Variants in ZCWPW2 observed in about 807,000 individuals in gnomAD.
ZCWPW2 encodes zinc finger CW-type PWWP domain protein 2.
ZCWPW2 carries 45 observed loss-of-function variants against 46.6 expected under a neutral mutation model. That is an observed-to-expected ratio of 0.96 (90% CI 0.76 to 1.24). The LOEUF is 1.24. Ranked by LOEUF, ZCWPW2 falls within the 50% of genes most tolerant of loss-of-function variation. ZCWPW2 has a pLI of 0.00. For missense variants in ZCWPW2, 429 were observed against 403.9 expected, an observed-to-expected ratio of 1.06 and a Z score of -0.53; for synonymous variants, 152 against 137.1, an observed-to-expected ratio of 1.11 and a Z score of -0.76.
At chr3:28,499,052 G>A (rs2125822860) in intron 6 of ZCWPW2, among the ~76,000 whole-genome samples, 1 of 152,214 alleles carries the variant, frequency 6.6e-6, no homozygotes, top group African/African-American at 2.4e-5. Flanking sequence ...TATCATTGAT[G>A]GGCATTTGGA....
chr3:28,496,033 T>G (rs1699981853), intron 6 of ZCWPW2, among the ~76,000 whole-genome samples: 1 of 152,078 alleles, frequency 6.6e-6, no homozygotes, highest in African/African-American at 2.4e-5. Flanking sequence ...CACAGCATGT[T>G]AGGCTAAAAG....
chr3:28,489,481 A>G (rs1206484370), intron 5 of ZCWPW2, among the ~76,000 whole-genome samples: 1 of 151,982 alleles, frequency 6.6e-6, no homozygotes, highest in African/African-American at 2.4e-5. Flanking sequence ...CTGATATTTT[A>G]TTATTACTCA....
chr3:28,509,037 G>T (rs1219844274), intron 6 of ZCWPW2, among the ~76,000 whole-genome samples: 1 of 151,874 alleles, frequency 6.6e-6, no homozygotes, highest in East Asian at 1.9e-4. Flanking sequence ...TTCCCACCTT[G>T]CCCTTTTCCG....
chr3:28,411,590 C>G (rs1394564334), intron 2 of ZCWPW2, among the ~76,000 whole-genome samples: 2 of 152,132 alleles, frequency 1.3e-5, no homozygotes, highest in East Asian at 1.9e-4. Context: ...ACACACACTT[C>G]ATGTGAAGTG....
At chr3:28,469,708 GTGTGTATATATATATGATATATA>G (rs1233900061) in intron 4 of ZCWPW2, among the ~76,000 whole-genome samples, 1 of 150,952 alleles carries the variant, frequency 6.6e-6, no homozygotes, top group African/African-American at 2.4e-5. Flanking sequence ...GCATGTATAT[GTGTGTATATATATATGATATATA>G]TATGTATATA....
At chr3:28,501,489 G>A (rs1349873340) in intron 6 of ZCWPW2, among the ~76,000 whole-genome samples, 1 of 152,086 alleles carries the variant, frequency 6.6e-6, no homozygotes, top group Non-Finnish European at 1.5e-5. Context: ...AGTCCACAAC[G>A]ACGACCTCCT....
At chr3:28,352,263 G>A (rs111857723) in intron 1 of ZCWPW2, among the ~76,000 whole-genome samples, 1,594 of 152,118 alleles carry the variant, frequency 0.01, 24 homozygotes, top group African/African-American at 0.037. Context: ...TCTGAACTGG[G>A]CAACATACAT....
intron 4 of ZCWPW2, among the ~76,000 whole-genome samples, chr3:28,444,979 C>T (rs1460461165): frequency 6.6e-6 from 1 of 151,930 alleles, no homozygotes; most frequent in Non-Finnish European, 1.5e-5. Flanking sequence ...CTGATATGCT[C>T]TATAGAAATA....
At chr3:28,429,393 G>C (rs1226606786) in intron 3 of ZCWPW2, among the ~76,000 whole-genome samples, 7 of 152,296 alleles carry the variant, frequency 4.6e-5, no homozygotes, top group Admixed American at 3.9e-4. Flanking sequence ...ATCAAGAAGT[G>C]ACTTGGGTGC....
At chr3:28,520,097 C>G (rs1054369567) in intron 8 of ZCWPW2, among the ~76,000 whole-genome samples, 7 of 151,372 alleles carry the variant, frequency 4.6e-5, no homozygotes, top group Non-Finnish European at 8.8e-5. Context: ...CTACGCCTCC[C>G]GGATTCACGC....
intron 5 of ZCWPW2, among the ~76,000 whole-genome samples, chr3:28,490,666 G>A (rs1051366385): frequency 5.9e-5 from 9 of 152,116 alleles, no homozygotes; most frequent in East Asian, 1.9e-4. Context: ...TGGGGCCTAC[G>A]TGAGGGTGGA....
chr3:28,368,992 C>T (rs954733138), intron 1 of ZCWPW2, among the ~76,000 whole-genome samples: 1 of 152,152 alleles, frequency 6.6e-6, no homozygotes, highest in African/African-American at 2.4e-5. Flanking sequence ...GTTCTCGTGC[C>T]ATGGTTTTCA....
In ZCWPW2 at chr3:28,349,118, G is replaced by C; in HGVS notation, c.-219G>C. ...GGGTGGGGAAGTGCAGGAGTGGCGC[G>C]CGGCGTACTACATGTCCCGTGAGCC... On this transcript the variant is annotated 5_prime_UTR_variant, in exon 1 of 10. Coordinates refer to ENST00000383768, the MANE Select transcript of ZCWPW2 (RefSeq NM_001040432.4). 3.6e-5 allele frequency: 35 copies of C among 985,760 alleles called. No individual in the cohort carries two copies. The highest frequency in any genetic ancestry group is 4.2e-5 in the Non-Finnish European group (35 of 830,214). 61.1% of individuals were successfully genotyped at this position (985,760 alleles called of 1,614,324 possible).
intron 2 of ZCWPW2, chr3:28,398,157 A>G (rs562998383): frequency 1.3e-5 from 2 of 152,246 alleles, no homozygotes; most frequent in Non-Finnish European, 2.9e-5. Flanking sequence ...AGCAGGTCCT[A>G]TATCTGATGG....
rs144354771 is a variant in ZCWPW2 at position 28,372,217 on chromosome 3, A to G, written c.-133-18281A>G. The stretch of plus-strand genomic sequence containing the variant: ...GAAGGACTTATATTGATAAAAGACA[A>G]TAATTATGAAGATTGTTGGATGTAG... On this transcript the variant is annotated intron_variant, in intron 1 of 9. Coordinates refer to ENST00000383768, the MANE Select transcript of ZCWPW2 (RefSeq NM_001040432.4). Among the ~76,000 whole-genome samples, 386 of 152,296 alleles carry G rather than the reference A, an allele frequency of 2.5e-3. 1 individual carries two copies. The highest frequency in any genetic ancestry group is 8.4e-3 in the African/African-American group (350 of 41,568).
intron 1 of ZCWPW2, among the ~76,000 whole-genome samples, chr3:28,371,777 G>T (rs1236974411): frequency 6.6e-6 from 1 of 152,168 alleles, no homozygotes; most frequent in Admixed American, 6.5e-5. Flanking sequence ...AGAGGCCAAA[G>T]ACAGGACAGG....
rs184346704 is a variant in ZCWPW2, at chr3:28,412,807, G to C, written c.-13-249G>C. On this transcript the variant is annotated intron_variant, in intron 2 of 9. Coordinates refer to ENST00000383768, the MANE Select transcript of ZCWPW2 (RefSeq NM_001040432.4). The stretch of plus-strand genomic sequence containing the variant: ...ATTATAGTCACCTCTACTCCCCTTT[G>C]GCTCCATCATATTTTTCTTATTTTT... Among the ~76,000 whole-genome samples the C allele has an allele frequency of 6.0e-4, 91 of 151,940 alleles. 1 individual carries two copies. The highest frequency in any genetic ancestry group is 3.1e-3 in the Admixed American group (47 of 15,234).
Position 28,354,434 on chromosome 3 carries a change from G to C in ZCWPW2, c.-134+5231G>C, listed in dbSNP as rs138118888. 9.8e-3 allele frequency among the ~76,000 whole-genome samples: 1,380 copies of C among 141,424 alleles called. 103 individuals are homozygous for C. Among genetic ancestry groups the C allele is most frequent in the African/African-American group, 0.032 (1,267 of 39,650 alleles). 92.8% of individuals were successfully genotyped at this position (141,424 alleles called of 152,430 possible). On this transcript the variant is annotated intron_variant, in intron 1 of 9. Transcript: ENST00000383768. Reference sequence around the variant, plus strand: ...AATTCTACCAGAGGTACAAAGAGGAGCTGGTACCATTCCTTCTGAAACTAT... The same window carrying C: ...AATTCTACCAGAGGTACAAAGAGGACCTGGTACCATTCCTTCTGAAACTAT...
At chr3:28,429,108 A>C (rs1207070580) in intron 3 of ZCWPW2, among the ~76,000 whole-genome samples, 1 of 152,190 alleles carries the variant, frequency 6.6e-6, no homozygotes, top group Non-Finnish European at 1.5e-5. Flanking sequence ...GCTCGATACA[A>C]GACAGAAAGA....
Sources: gnomAD v4.1 joint callset for allele counts (sites outside exome capture counted in the v4.1 genomes callset) on GRCh38, gnomAD v4.1.1 for gene constraint, MANE v1.5 for transcripts, NCBI Gene and HGNC (gene_info 2026-07-23, HGNC 2026-07-21) for gene names.